The following L3MBTL4 variants were observed in gnomAD, a reference collection of about 807,000 sequenced individuals.
L3MBTL4 encodes L3MBTL histone methyl-lysine binding protein 4.
L3MBTL4 carries 70 observed loss-of-function variants against 84.5 expected under a neutral mutation model. The observed-to-expected ratio is 0.83, with a 90% confidence interval of 0.68 to 1.01. The LOEUF is 1.01. Among genes scored for constraint, L3MBTL4 ranks in the 50% least tolerant of loss-of-function variants. The probability of loss-of-function intolerance (pLI) is 0.00; values close to 1 mark genes in which losing one functional copy is unlikely to be tolerated. For synonymous variants in L3MBTL4, 274 were observed against 259.8 expected, an observed-to-expected ratio of 1.05 and a Z score of -0.52; for missense variants, 715 against 754.8, an observed-to-expected ratio of 0.95 and a Z score of 0.62.
At position 6,017,101 on chromosome 18, in the gene L3MBTL4, C is replaced by T. The variant is rs573110343; in HGVS notation, c.1445-47539G>A. Among the ~76,000 whole-genome samples, 12 of 152,270 alleles carry T rather than the reference C, an allele frequency of 7.9e-5. No homozygotes were observed. In the South Asian group the frequency reaches 1.7e-3, roughly 21 times the overall value. On this transcript the variant is annotated intron_variant, in intron 16 of 18. Coordinates refer to ENST00000317931, the MANE Select transcript of L3MBTL4 (RefSeq NM_001330559.2). ...CATGAGGTGAACACAACACCCTTCA[C>T]GGGATGCTGGTCCTGCCCATTACAG... is the stretch of plus-strand genomic sequence containing the variant.
chr18:5,987,217 C>A (rs549426693), intron 16 of L3MBTL4, among the ~76,000 whole-genome samples: 43 of 152,216 alleles, frequency 2.8e-4, no homozygotes, highest in Non-Finnish European at 5.3e-4. Context: ...CTTCTTTTGA[C>A]TTCCCTAGGG....
intron 12 of L3MBTL4, among the ~76,000 whole-genome samples, chr18:6,175,215 C>T (rs1292690379): frequency 1.3e-5 from 2 of 152,104 alleles, no homozygotes; most frequent in Non-Finnish European, 2.9e-5. Flanking sequence ...AGCAGAGCCA[C>T]GATGGGAAAG....
At chr18:6,378,718 G>A (rs972471964) in intron 1 of L3MBTL4, among the ~76,000 whole-genome samples, 3 of 152,168 alleles carry the variant, frequency 2.0e-5, no homozygotes, top group Admixed American at 1.3e-4. Flanking sequence ...TTTGGTCACT[G>A]TAGCCTTGTA....
chr18:6,145,203 T>G (rs2042596976), intron 13 of L3MBTL4, among the ~76,000 whole-genome samples: 1 of 152,170 alleles, frequency 6.6e-6, no homozygotes, highest in African/African-American at 2.4e-5. Context: ...ATTGTACTTA[T>G]CTCTAGAAAA....
At chr18:6,044,837 A>G (rs2054668467) in intron 16 of L3MBTL4, among the ~76,000 whole-genome samples, 1 of 152,164 alleles carries the variant, frequency 6.6e-6, no homozygotes, top group Non-Finnish European at 1.5e-5. Context: ...CCTAAAGACC[A>G]TAGAATTTTG....
intron 10 of L3MBTL4, among the ~76,000 whole-genome samples, chr18:6,229,782 A>G (rs1182894462): frequency 6.6e-6 from 1 of 152,126 alleles, no homozygotes; most frequent in African/African-American, 2.4e-5. Context: ...TCATTTCACC[A>G]TAACTGCAAG....
intron 12 of L3MBTL4, among the ~76,000 whole-genome samples, chr18:6,208,661 T>G (rs543345949): frequency 3.1e-4 from 47 of 152,222 alleles, no homozygotes; most frequent in South Asian, 6.2e-4. Flanking sequence ...ACCCATCTAC[T>G]GTAATTTAAT....
At chr18:6,111,458 T>A (rs928982450) in intron 14 of L3MBTL4, among the ~76,000 whole-genome samples, 3 of 152,214 alleles carry the variant, frequency 2.0e-5, no homozygotes, top group African/African-American at 7.2e-5. Flanking sequence ...TGCAGAGCAA[T>A]GCTGCTCTGC....
intron 1 of L3MBTL4, among the ~76,000 whole-genome samples, chr18:6,341,650 T>G (rs1376708379): frequency 6.6e-6 from 1 of 151,526 alleles, no homozygotes; most frequent in Non-Finnish European, 1.5e-5. Context: ...CAGCATCATG[T>G]GAACAAACAT....
At chr18:6,381,875 G>C (rs1028987066) in intron 1 of L3MBTL4, among the ~76,000 whole-genome samples, 1 of 152,102 alleles carries the variant, frequency 6.6e-6, no homozygotes, top group Non-Finnish European at 1.5e-5. Flanking sequence ...TTGAATGTTG[G>C]CCTGTCTTGC....
At chr18:6,401,888 G>A (rs575716749) in intron 1 of L3MBTL4, among the ~76,000 whole-genome samples, 90 of 152,296 alleles carry the variant, frequency 5.9e-4, no homozygotes, top group African/African-American at 2.1e-3. Context: ...CAGAACCAGG[G>A]GCGCAGCGCC....
intron 16 of L3MBTL4, chr18:6,046,846 A>T: frequency 1.4e-6 from 1 of 706,470 alleles, no homozygotes; most frequent in South Asian, 1.7e-5. Flanking sequence ...TAGAGGAACT[A>T]GAAAAACAAG....
At chr18:6,245,889 C>A (rs1258752463) in intron 5 of L3MBTL4, among the ~76,000 whole-genome samples, 1 of 152,148 alleles carries the variant, frequency 6.6e-6, no homozygotes, top group African/African-American at 2.4e-5. Flanking sequence ...CTGCACCTGT[C>A]CCTAGTATTT....
At position 6,239,798 on chromosome 18, in the gene L3MBTL4, C is replaced by T. The variant is rs548792107; in HGVS notation, c.627G>A (p.Val209=). 1 of 1,614,188 alleles carries T rather than the reference C, an allele frequency of 6.2e-7. No homozygotes were observed. Among genetic ancestry groups the T allele is most frequent in the South Asian group, 1.1e-5 (1 of 91,088 alleles). Residue 209 remains valine (V), a synonymous_variant, in exon 9 of 19, where the codon GTG becomes GTA. Coordinates refer to ENST00000317931, the MANE Select transcript of L3MBTL4 (RefSeq NM_001330559.2). ...CAATATCTGCTATGGTCGCCACACA[C>T]ACCAAGGAAGGGTTCTTCCTGTCCA... The part of the protein sequence containing the change: ...EAVDRKNPSL[V]CVATIADIVE...
At chr18:6,238,488 G>A (rs910918345) in intron 9 of L3MBTL4, among the ~76,000 whole-genome samples, 3 of 152,020 alleles carry the variant, frequency 2.0e-5, no homozygotes, top group African/African-American at 7.3e-5. Flanking sequence ...AGCCAAGATC[G>A]CGCCACTGCA....
At chr18:6,244,372 C>A in intron 6 of L3MBTL4, 112 bp downstream of exon 6, 1 of 634,602 alleles carries the variant, frequency 1.6e-6, no homozygotes, top group Non-Finnish European at 2.7e-6. Context: ...AAAATAAATC[C>A]ATAATGCACT....
intron 15 of L3MBTL4, among the ~76,000 whole-genome samples, chr18:6,087,655 T>C (rs550195436): frequency 1.5e-4 from 23 of 152,316 alleles, no homozygotes; most frequent in Non-Finnish European, 3.1e-4. Flanking sequence ...ATACTGAGTA[T>C]TATCTTAGAC....
At chr18:6,010,026 C>CT (rs11458614) in intron 16 of L3MBTL4, among the ~76,000 whole-genome samples, 121,844 of 152,012 alleles carry the variant, frequency 0.8, 49,191 homozygotes, top group Admixed American at 0.85. Context: ...CATCACCAGT[C>CT]TTTTTTGGCT....
chr18:6,269,513 T>C (rs540906482), intron 4 of L3MBTL4, among the ~76,000 whole-genome samples: 1 of 152,202 alleles, frequency 6.6e-6, no homozygotes. Context: ...CGACAATATA[T>C]ATTTATAGCC....
Sources: allele counts gnomAD v4.1 joint callset (sites outside exome capture counted in the v4.1 genomes callset), GRCh38; gene constraint gnomAD v4.1.1; transcripts MANE v1.5; gene names NCBI Gene and HGNC (gene_info 2026-07-23, HGNC 2026-07-21).